Variants in GPC5 observed in about 807,000 individuals in gnomAD.
The protein encoded by GPC5 is glypican-5.
In GPC5, 47 loss-of-function variants were observed where a neutral mutation model predicts 53.9. The ratio of observed to expected loss-of-function variants is 0.87; its 90% CI spans 0.69 to 1.11. The LOEUF is 1.11. Ranked by LOEUF, GPC5 falls within the 50% of genes most tolerant of loss-of-function variation. GPC5 has a pLI of 0.00. For synonymous variants in GPC5, 286 were observed against 263.3 expected, an observed-to-expected ratio of 1.09 and a Z score of -0.84; for missense variants, 748 against 713.1, an observed-to-expected ratio of 1.05 and a Z score of -0.56.
At chr13:92,385,636 T>G (rs1239744462) in intron 7 of GPC5, among the ~76,000 whole-genome samples, 1 of 142,414 alleles carries the variant, frequency 7.0e-6, no homozygotes, top group Admixed American at 7.4e-5. Flanking sequence ...CATATATACA[T>G]ATATACCTAT....
chr13:92,634,671 A>G (rs1162229529), intron 7 of GPC5, among the ~76,000 whole-genome samples: 1 of 151,854 alleles, frequency 6.6e-6, no homozygotes, highest in African/African-American at 2.4e-5. Context: ...AGAAACACTG[A>G]TTTTGTGTAC....
At chr13:92,322,142 T>A (rs1056144387) in intron 7 of GPC5, among the ~76,000 whole-genome samples, 8 of 152,028 alleles carry the variant, frequency 5.3e-5, no homozygotes, top group Non-Finnish European at 8.8e-5. Context: ...CTCTTTTAAT[T>A]CAAGTGAGGA....
intron 7 of GPC5, among the ~76,000 whole-genome samples, chr13:92,512,921 G>A (rs933965613): frequency 6.6e-6 from 1 of 152,136 alleles, no homozygotes; most frequent in Non-Finnish European, 1.5e-5. Flanking sequence ...CAGGGCTTTG[G>A]TTTTGCTCAT....
rs191380087 is a variant in GPC5 at position 91,902,537 on chromosome 13, C to T, written c.1281-5400C>T. The stretch of plus-strand genomic sequence containing the variant: ...CACAGATGGTGGGTCTATTACTTCC[C>T]CAACAAAAAATCTGCCTGTCTATAT... On this transcript the variant is annotated intron_variant, in intron 5 of 7. Transcript: ENST00000377067. 4.1e-3 allele frequency among the ~76,000 whole-genome samples: 622 copies of T among 152,068 alleles called. 15 individuals are homozygous for T. The highest frequency in any genetic ancestry group is 0.036 in the Admixed American group (541 of 15,236).
intron 6 of GPC5, among the ~76,000 whole-genome samples, chr13:91,952,305 C>T (rs1344761087): frequency 6.6e-6 from 1 of 151,956 alleles, no homozygotes; most frequent in Non-Finnish European, 1.5e-5. Context: ...ATGTTAGCAC[C>T]ACTTCAAAGA....
intron 5 of GPC5, among the ~76,000 whole-genome samples, chr13:91,839,360 C>T (rs2038758615): frequency 1.3e-5 from 2 of 152,048 alleles, no homozygotes; most frequent in Admixed American, 6.6e-5. Flanking sequence ...CCCTCACTGG[C>T]AATCCATGAA....
At chr13:91,483,082 C>T (rs189018646) in intron 2 of GPC5, among the ~76,000 whole-genome samples, 14 of 152,222 alleles carry the variant, frequency 9.2e-5, no homozygotes, top group African/African-American at 2.6e-4. Flanking sequence ...TTAGTTTTCA[C>T]GTATATTTGT....
intron 7 of GPC5, among the ~76,000 whole-genome samples, chr13:92,516,272 T>C (rs939125935): frequency 1.9e-4 from 29 of 152,238 alleles, no homozygotes; most frequent in Non-Finnish European, 4.1e-4. Flanking sequence ...CATATAGCAA[T>C]AGTTAACATA....
chr13:91,510,602 A>G (rs1309384887), intron 2 of GPC5, among the ~76,000 whole-genome samples: 4 of 152,134 alleles, frequency 2.6e-5, no homozygotes, highest in African/African-American at 7.2e-5. Flanking sequence ...CCCATATTTT[A>G]ATTTGTCTTT....
chr13:92,044,092 G>A (rs555789951), intron 6 of GPC5, among the ~76,000 whole-genome samples: 6 of 152,044 alleles, frequency 3.9e-5, no homozygotes, highest in African/African-American at 1.5e-4. Flanking sequence ...GCTCTCATAA[G>A]CTCCCCAGGT....
chr13:91,716,425 T>C (rs1270855054), intron 3 of GPC5, among the ~76,000 whole-genome samples: 1 of 152,256 alleles, frequency 6.6e-6, no homozygotes, highest in African/African-American at 2.4e-5. Context: ...CAATTGATAC[T>C]GTGAATATTT....
chr13:92,846,124 T>C (rs1408946507), intron 7 of GPC5, among the ~76,000 whole-genome samples: 1 of 152,116 alleles, frequency 6.6e-6, no homozygotes, highest in Admixed American at 6.5e-5. Flanking sequence ...CTTATAATCA[T>C]AGGAGAAGGG....
intron 2 of GPC5, among the ~76,000 whole-genome samples, chr13:91,458,393 G>A (rs563082678): frequency 2.8e-4 from 42 of 152,182 alleles, no homozygotes; most frequent in Non-Finnish European, 5.1e-4. Flanking sequence ...TATATTGAAT[G>A]GGGAAAACTT....
chr13:92,283,491 A>T (rs1669102830), intron 7 of GPC5, among the ~76,000 whole-genome samples: 1 of 152,222 alleles, frequency 6.6e-6, no homozygotes. Flanking sequence ...CATAGTTGGA[A>T]GTAAAGCACT....
At chr13:92,729,346 C>T (rs1888736613) in intron 7 of GPC5, among the ~76,000 whole-genome samples, 1 of 151,336 alleles carries the variant, frequency 6.6e-6, no homozygotes, top group South Asian at 2.1e-4. Context: ...GTCTATTGAG[C>T]ATTTGTAATG....
intron 6 of GPC5, among the ~76,000 whole-genome samples, chr13:92,069,919 T>C (rs1239259180): frequency 6.6e-6 from 1 of 152,150 alleles, no homozygotes; most frequent in Non-Finnish European, 1.5e-5. Context: ...GCTTTAATCC[T>C]TGAGACCTGA....
chr13:91,865,203 C>T (rs2039071168), intron 5 of GPC5, among the ~76,000 whole-genome samples: 1 of 152,044 alleles, frequency 6.6e-6, no homozygotes, highest in African/African-American at 2.4e-5. Context: ...GCCACCGCAC[C>T]TGGCCTGTTT....
At chr13:91,776,832 A>G (rs575368509) in intron 5 of GPC5, among the ~76,000 whole-genome samples, 1 of 152,338 alleles carries the variant, frequency 6.6e-6, no homozygotes, top group South Asian at 2.1e-4. Context: ...ATGAGTAATA[A>G]GACAGTGTTG....
intron 5 of GPC5, among the ~76,000 whole-genome samples, chr13:91,837,546 A>G (rs1453798702): frequency 6.6e-6 from 1 of 152,152 alleles, no homozygotes; most frequent in Non-Finnish European, 1.5e-5. Context: ...CCAAAATATC[A>G]TGTCAATAAC....
Sources: gnomAD v4.1 joint callset for allele counts (sites outside exome capture counted in the v4.1 genomes callset) on GRCh38, gnomAD v4.1.1 for gene constraint, MANE v1.5 for transcripts, NCBI Gene and HGNC (gene_info 2026-07-23, HGNC 2026-07-21) for gene names.